Variants in GARNL3 observed in about 807,000 individuals in gnomAD.
GARNL3 encodes GTPase-activating Rap/Ran-GAP domain-like protein 3.
GARNL3 carries 63 observed loss-of-function variants against 125.0 expected under a neutral mutation model. That is an observed-to-expected ratio of 0.50 (90% CI 0.41 to 0.62). The LOEUF (loss-of-function observed/expected upper bound fraction) is 0.62, where lower values mean the gene tolerates loss of function less well. GARNL3 is among the 20% of genes least tolerant of loss of function. The pLI is 0.00. For missense variants in GARNL3, 994 were observed against 1,244.0 expected, an observed-to-expected ratio of 0.80 and a Z score of 3.02; for synonymous variants, 439 against 457.5, an observed-to-expected ratio of 0.96 and a Z score of 0.52.
At chr9:127,358,410 T>TC (rs761958604) in intron 21 of GARNL3, among the ~76,000 whole-genome samples, 2 of 152,214 alleles carry the variant, frequency 1.3e-5, no homozygotes, top group Non-Finnish European at 2.9e-5. Flanking sequence ...GGAGACTAAC[T>TC]CCTAGTGAGG....
chr9:127,327,064 A>C (rs544689669), intron 7 of GARNL3, among the ~76,000 whole-genome samples: 1 of 152,344 alleles, frequency 6.6e-6, no homozygotes, highest in East Asian at 1.9e-4. Context: ...TATTTACTGA[A>C]AAAAGCAACT....
chr9:127,255,219 G>A (rs2779733), intron 2 of GARNL3, among the ~76,000 whole-genome samples: 91,634 of 152,136 alleles, frequency 0.6, 30,423 homozygotes, highest in Admixed American at 0.74. Flanking sequence ...TTACAGCATT[G>A]TTTAAACATT....
chr9:127,309,199 G>GA (rs1424214430), intron 2 of GARNL3, among the ~76,000 whole-genome samples: 3 of 152,028 alleles, frequency 2.0e-5, no homozygotes, highest in Non-Finnish European at 4.4e-5. Context: ...GATAAAAAAA[G>GA]AAAAAAGAAG....
chr9:127,352,737 T>C (rs969090869), intron 17 of GARNL3, among the ~76,000 whole-genome samples: 2 of 152,164 alleles, frequency 1.3e-5, no homozygotes, highest in Admixed American at 6.5e-5. Flanking sequence ...GGGGCAGTTA[T>C]TAATCCTGAT....
chr9:127,295,479 CAACT>C (rs756339057), intron 2 of GARNL3, among the ~76,000 whole-genome samples: 3 of 152,122 alleles, frequency 2.0e-5, no homozygotes, highest in Non-Finnish European at 2.9e-5. Flanking sequence ...ATTCTGACAC[CAACT>C]GAGTGTCCTA....
chr9:127,261,540 A>G (rs542510052), upstream of GARNL3, among the ~76,000 whole-genome samples: 8 of 150,940 alleles, frequency 5.3e-5, 1 homozygote, highest in South Asian at 1.7e-3. Context: ...CCTCCCAAGT[A>G]GGTGGGATTA....
chr9:127,239,049 C>T (rs577965024), intron 1 of GARNL3, among the ~76,000 whole-genome samples: 1 of 152,326 alleles, frequency 6.6e-6, no homozygotes, highest in African/African-American at 2.4e-5. Context: ...ATTTTCCCAT[C>T]AGTCCACCCA....
rs1425504220 is a variant in GARNL3 at position 127,249,586 on chromosome 9, A to AAAAT, written c.143+6347_143+6350dup. On this transcript the variant is annotated intron_variant, in intron 2 of 10. Coordinates refer to the GARNL3 transcript ENST00000439286. ...GGGTGATAGAGTGAGAACTTGTCTTAAAATAAATAAATAGATAAATAAATA... is the reference window on the plus strand; with the variant it reads ...GGGTGATAGAGTGAGAACTTGTCTTAAAATAAATAAATAAATAGATAAATAAATA... 2.6e-5 allele frequency among the ~76,000 whole-genome samples: 4 copies of AAAAT among 152,308 alleles called. No individual in the cohort carries two copies. The East Asian group carries it at 7.7e-4, about 29-fold the overall frequency.
chr9:127,250,440 C>G (rs938714552), intron 2 of GARNL3, among the ~76,000 whole-genome samples: 2 of 152,216 alleles, frequency 1.3e-5, no homozygotes, highest in Non-Finnish European at 2.9e-5. Flanking sequence ...GGAGATGACT[C>G]TGAACTTTGT....
intron 20 of GARNL3, 21 bp from the exon 21 acceptor site, chr9:127,357,198 G>A (rs1444923171): frequency 6.2e-7 from 1 of 1,613,432 alleles, no homozygotes; most frequent in African/African-American, 1.3e-5. Flanking sequence ...CCTGTCTCTT[G>A]TATCCTCACC....
At chr9:127,330,359 T>C (rs990251689) in intron 7 of GARNL3, among the ~76,000 whole-genome samples, 1 of 152,226 alleles carries the variant, frequency 6.6e-6, no homozygotes, top group African/African-American at 2.4e-5. Context: ...CCTGGAAACA[T>C]TCTAAGAAAT....
At chr9:127,328,080 C>T (rs756117057) in intron 7 of GARNL3, among the ~76,000 whole-genome samples, 3 of 152,168 alleles carry the variant, frequency 2.0e-5, no homozygotes, top group African/African-American at 4.8e-5. Flanking sequence ...TCCCCTGCCC[C>T]GACTTCACCA....
rs1407499249 is a variant in GARNL3 at position 127,385,160 on chromosome 9, G to A, written c.2388+15G>A. 2.0e-6 allele frequency: 3 copies of A among 1,536,952 alleles called. No homozygotes were observed. The highest frequency in any genetic ancestry group is 4.7e-5 in the East Asian group (2 of 42,884). On this transcript the variant is annotated intron_variant, in intron 24 of 27. Coordinates refer to ENST00000373387, the MANE Select transcript of GARNL3 (RefSeq NM_032293.5). This position sits in a 1 kb window ranked among gnomAD's most constrained non-coding sequence, Gnocchi z 4.1. ...TGGCCTCCAGGGTGAGTAGGACTGGGATTTTATCTCTGAGTGGTTTGGGGG... is the reference window on the plus strand; with the variant it reads ...TGGCCTCCAGGGTGAGTAGGACTGGAATTTTATCTCTGAGTGGTTTGGGGG...
At chr9:127,356,930 A>G (rs780365370) in intron 20 of GARNL3, among the ~76,000 whole-genome samples, 2 of 152,274 alleles carry the variant, frequency 1.3e-5, no homozygotes, top group Non-Finnish European at 2.9e-5. Context: ...ACCAGACGAC[A>G]TAAGGGATAA....
At chr9:127,337,014 G>A (rs1333333544) in intron 11 of GARNL3, among the ~76,000 whole-genome samples, 1 of 152,226 alleles carries the variant, frequency 6.6e-6, no homozygotes, top group Admixed American at 6.5e-5. Context: ...CAGGCCCACG[G>A]TGACTCATGG....
chr9:127,285,100 A>C (rs2064209995), intron 1 of GARNL3, among the ~76,000 whole-genome samples: 2 of 152,198 alleles, frequency 1.3e-5, no homozygotes, highest in South Asian at 4.1e-4. Flanking sequence ...ATTTTATAGA[A>C]TATTTTAGAA....
chr9:127,231,039 T>TATATATGTATATATATAC, intron 1 of GARNL3, among the ~76,000 whole-genome samples: 2 of 46,436 alleles, frequency 4.3e-5, no homozygotes, highest in African/African-American at 2.5e-4. Context: ...TATATACATA[T>TATATATGTATATATATAC]ATATATATAT....
chr9:127,378,271 A>AC (rs1832039828), intron 22 of GARNL3, among the ~76,000 whole-genome samples: 1 of 151,342 alleles, frequency 6.6e-6, no homozygotes, highest in South Asian at 2.1e-4. Context: ...AATCATTAAC[A>AC]TAAAAAGAGA....
chr9:127,226,836 C>T (rs1253710228), intron 1 of GARNL3, among the ~76,000 whole-genome samples: 1 of 152,164 alleles, frequency 6.6e-6, no homozygotes, highest in East Asian at 1.9e-4. Flanking sequence ...GTTGCTGGAG[C>T]ATGAAGGATG....
Sources: allele counts gnomAD v4.1 joint callset (sites outside exome capture counted in the v4.1 genomes callset), GRCh38; gene constraint gnomAD v4.1.1; non-coding constraint Gnocchi (gnomAD v3.1); transcripts MANE v1.5; gene names NCBI Gene and HGNC (gene_info 2026-07-23, HGNC 2026-07-21).